MRPL1: variants seen among roughly 807,000 people sequenced by gnomAD.
MRPL1 encodes the protein mitochondrial ribosomal protein L1.
In MRPL1, 28 loss-of-function variants were observed where a neutral mutation model predicts 38.0. That is an observed-to-expected ratio of 0.74 (90% CI 0.55 to 1.01). MRPL1 has a LOEUF of 1.01. Among genes scored for constraint, MRPL1 ranks in the 50% least tolerant of loss-of-function variants. The probability of loss-of-function intolerance (pLI) is 0.00; values close to 1 mark genes in which losing one functional copy is unlikely to be tolerated. For synonymous variants in MRPL1, 123 were observed against 126.7 expected (o/e 0.97, Z 0.20); for missense variants, 358 against 389.8 (o/e 0.92, Z 0.69).
At chr4:77,915,476 TAC>T (rs1736401033) in intron 7 of MRPL1, among the ~76,000 whole-genome samples, 1 of 152,142 alleles carries the variant, frequency 6.6e-6, no homozygotes, top group Admixed American at 6.5e-5. Context: ...CAAGCTGGAG[TAC>T]AGTGGCTTGA....
At chr4:77,932,601 G>C (rs1332506313) in intron 7 of MRPL1, among the ~76,000 whole-genome samples, 1 of 151,978 alleles carries the variant, frequency 6.6e-6, no homozygotes, top group Non-Finnish European at 1.5e-5. Flanking sequence ...CGAGATTACA[G>C]AGTAGATTGG....
Position 77,883,877 on chromosome 4 carries a change from C to T in MRPL1, c.402+377C>T, listed in dbSNP as rs114622095. On this transcript the variant is annotated intron_variant, in intron 3 of 8. Coordinates refer to ENST00000315567, the MANE Select transcript of MRPL1 (RefSeq NM_020236.4). ...ACATGCATGAGCCACTGTGCCTGGC[C>T]TCTTAATTTTAAAAATTATTGCCTC... 6.9e-3 allele frequency among the ~76,000 whole-genome samples: 1,046 copies of T among 152,220 alleles called. 13 individuals carry two copies. Among genetic ancestry groups the T allele is most frequent in the African/African-American group, 0.024 (1,014 of 41,526 alleles).
intron 2 of MRPL1, among the ~76,000 whole-genome samples, chr4:77,881,358 C>G (rs1197165254): frequency 6.6e-6 from 1 of 151,682 alleles, no homozygotes; most frequent in Admixed American, 6.6e-5. Context: ...GTTAATGATT[C>G]TATTCTATGC....
chr4:77,894,262 C>A lies in MRPL1; in HGVS notation c.670+12C>A. 6.8e-7 allele frequency: 1 copy of A among 1,461,402 alleles called. No homozygotes were observed. Among genetic ancestry groups the A allele is most frequent in the Non-Finnish European group, 9.4e-7 (1 of 1,061,106 alleles). The allele number at this position is 1,461,402 out of a possible 1,614,324, so 90.5% of individuals were successfully genotyped here. On this transcript the variant is annotated intron_variant, in intron 6 of 8. Transcript: ENST00000315567. ...AAAGCTTTCTCGAAGTAAGAGAATT[C>A]CTATTATTTCAATATCCTGTCAACA...
At chr4:77,896,874 T>A (rs1333817405) in intron 6 of MRPL1, among the ~76,000 whole-genome samples, 2 of 152,184 alleles carry the variant, frequency 1.3e-5, no homozygotes, top group African/African-American at 2.4e-5. Flanking sequence ...TTAAAAAAAA[T>A]TAAAACCTGT....
At chr4:77,865,753 C>T (rs933774812) in intron 1 of MRPL1, among the ~76,000 whole-genome samples, 1 of 152,190 alleles carries the variant, frequency 6.6e-6, no homozygotes, top group Non-Finnish European at 1.5e-5. Flanking sequence ...ACTCTGACTT[C>T]TCACTGCCCC....
At chr4:77,889,218 C>T (rs1445237316) in intron 5 of MRPL1, among the ~76,000 whole-genome samples, 2 of 152,154 alleles carry the variant, frequency 1.3e-5, no homozygotes, top group Non-Finnish European at 2.9e-5. Context: ...CAAAATTGAC[C>T]ACATAGTTGG....
At position 77,887,245 on chromosome 4, in the gene MRPL1, A is replaced by G; in HGVS notation, c.512A>G (p.Glu171Gly). 6.2e-7 allele frequency: 1 copy of G among 1,614,016 alleles called. No homozygotes were observed. The highest frequency in any genetic ancestry group is 8.5e-7 in the Non-Finnish European group (1 of 1,179,864). Reference protein sequence around the residue: ...TENASEVKIAEENGAAFAGGT... With the variant: ...TENASEVKIAGENGAAFAGGT... ...AATGCATCAGAGGTCAAAATAGCGGAAGAAAATGGAGCTGCATTTGCAGGA... is the reference window on the plus strand; with the variant it reads ...AATGCATCAGAGGTCAAAATAGCGGGAGAAAATGGAGCTGCATTTGCAGGA... The change falls in exon 5 of 9, where the codon GAA becomes GGA. Residue 171 changes from glutamate to glycine, a missense_variant. Coordinates refer to ENST00000315567, the MANE Select transcript of MRPL1 (RefSeq NM_020236.4).
At chr4:77,926,074 A>G (rs993993650) in intron 7 of MRPL1, among the ~76,000 whole-genome samples, 20 of 152,208 alleles carry the variant, frequency 1.3e-4, no homozygotes, top group Non-Finnish European at 4.4e-5. Flanking sequence ...TAGTATCTTT[A>G]AAAGACTTAA....
intron 7 of MRPL1, among the ~76,000 whole-genome samples, chr4:77,929,512 T>C (rs935614955): frequency 6.6e-6 from 1 of 152,168 alleles, no homozygotes; most frequent in African/African-American, 2.4e-5. Flanking sequence ...AAGTTAAGCA[T>C]TTTCCAAACA....
At chr4:77,916,457 C>G (rs1048951914) in intron 7 of MRPL1, among the ~76,000 whole-genome samples, 7 of 152,116 alleles carry the variant, frequency 4.6e-5, no homozygotes, top group African/African-American at 1.7e-4. Context: ...CCTTTCCCTG[C>G]AATTGTTTTC....
At chr4:77,931,473 TAGAG>T (rs1288015411) in intron 7 of MRPL1, among the ~76,000 whole-genome samples, 1 of 152,160 alleles carries the variant, frequency 6.6e-6, no homozygotes, top group Non-Finnish European at 1.5e-5. Flanking sequence ...GCACAATTGT[TAGAG>T]AGGATTAATG....
intron 6 of MRPL1, among the ~76,000 whole-genome samples, chr4:77,903,344 A>ACACAT (rs1250085803): frequency 6.6e-6 from 1 of 152,178 alleles, no homozygotes; most frequent in Non-Finnish European, 1.5e-5. Context: ...CCTCAACTTG[A>ACACAT]CACAGCACAT....
At chr4:77,946,452 G>GA (rs1272424926) in intron 7 of MRPL1, among the ~76,000 whole-genome samples, 1 of 152,118 alleles carries the variant, frequency 6.6e-6, no homozygotes, top group Non-Finnish European at 1.5e-5. Flanking sequence ...CTCAGCTTAT[G>GA]AAGATAACAG....
In MRPL1 at chr4:77,866,802, C is replaced by G. The variant is rs1735156233; in HGVS notation, c.31+3923C>G. Among the ~76,000 whole-genome samples, 3 of 150,378 alleles carry G rather than the reference C, an allele frequency of 2.0e-5. No homozygotes were observed. In the Admixed American group the frequency reaches 2.0e-4, roughly 10 times the overall value. ...CGCTCTTGTTGCCCAGGCTGGAGTG[C>G]AATGGCGCGATCTCGGCTCACTGCA... On this transcript the variant is annotated intron_variant, in intron 1 of 8. Coordinates refer to ENST00000315567, the MANE Select transcript of MRPL1 (RefSeq NM_020236.4).
At chr4:77,897,728 C>G (rs1290641126) in intron 6 of MRPL1, among the ~76,000 whole-genome samples, 2 of 152,160 alleles carry the variant, frequency 1.3e-5, no homozygotes, top group African/African-American at 4.8e-5. Context: ...GCATTTTTAA[C>G]TCATAGAATA....
Position 77,929,839 on chromosome 4 carries a change from A to G in MRPL1, c.778-19958A>G, listed in dbSNP as rs76597629. Among the ~76,000 whole-genome samples the G allele has an allele frequency of 2.4e-3, 361 of 152,318 alleles. 3 individuals carry two copies. Among genetic ancestry groups the G allele is most frequent in the African/African-American group, 8.0e-3 (332 of 41,582 alleles). On this transcript the variant is annotated intron_variant, in intron 7 of 8. Coordinates refer to ENST00000315567, the MANE Select transcript of MRPL1 (RefSeq NM_020236.4). ...GCCCTTAAAGTCTAAAATGTTTACC[A>G]TCTATCTCTTTACAAAAAATATTTA...
chr4:77,918,087 A>G (rs1033999531), intron 7 of MRPL1, among the ~76,000 whole-genome samples: 13 of 151,926 alleles, frequency 8.6e-5, no homozygotes, highest in Admixed American at 4.6e-4. Flanking sequence ...GTTTATATAT[A>G]TACATGATAT....
rs563540337 is a variant in MRPL1 at position 77,925,663 on chromosome 4, T to C, written c.777+16291T>C. 1.1e-3 allele frequency among the ~76,000 whole-genome samples: 172 copies of C among 152,158 alleles called. 1 individual carries two copies. Among genetic ancestry groups the C allele is most frequent in the African/African-American group, 4.1e-3 (170 of 41,558 alleles). The stretch of plus-strand genomic sequence containing the variant: ...TATATATGAGATTTGTGAGGTTTTT[T>C]TTTTTTAAATGATGAAAGAGTTTCA... On this transcript the variant is annotated intron_variant, in intron 7 of 8. Coordinates refer to ENST00000315567, the MANE Select transcript of MRPL1 (RefSeq NM_020236.4).
Sources: gnomAD v4.1 joint callset for allele counts (sites outside exome capture counted in the v4.1 genomes callset) on GRCh38, gnomAD v4.1.1 for gene constraint, MANE v1.5 for transcripts, NCBI Gene and HGNC (gene_info 2026-07-23, HGNC 2026-07-21) for gene names.